Variants in ULK4 observed in about 807,000 individuals in gnomAD.
ULK4 encodes the protein inactive serine/threonine-protein kinase ULK4.
ULK4 carries 133 observed loss-of-function variants against 160.6 expected under a neutral mutation model. That is an observed-to-expected ratio of 0.83 (90% CI 0.72 to 0.96). The LOEUF is 0.96. ULK4 is among the 40% of genes least tolerant of loss of function. The pLI, the probability that ULK4 is intolerant of heterozygous loss-of-function variation, is 0.00. For synonymous variants in ULK4, 534 were observed against 539.8 expected (o/e 0.99, Z 0.15); for missense variants, 1,580 against 1,499.5 (o/e 1.05, Z -0.89).
chr3:41,256,470 G>A (rs1422455856), intron 35 of ULK4, among the ~76,000 whole-genome samples: 1 of 152,196 alleles, frequency 6.6e-6, no homozygotes, highest in Non-Finnish European at 1.5e-5. Context: ...CAGAGGTGCA[G>A]TTAATTCAAG....
At chr3:41,801,570 C>A (rs1236892527) in intron 19 of ULK4, among the ~76,000 whole-genome samples, 1 of 151,096 alleles carries the variant, frequency 6.6e-6, no homozygotes, top group African/African-American at 2.4e-5. Context: ...ACCTTATGGA[C>A]AAGGAGCAAT....
intron 32 of ULK4, among the ~76,000 whole-genome samples, chr3:41,513,809 C>T (rs1460841930): frequency 6.6e-6 from 1 of 152,060 alleles, no homozygotes; most frequent in African/African-American, 2.4e-5. Flanking sequence ...TTTGGAGACT[C>T]GGGAGAACAG....
At chr3:41,759,759 A>T (rs1429633720) in intron 21 of ULK4, among the ~76,000 whole-genome samples, 1 of 152,208 alleles carries the variant, frequency 6.6e-6, no homozygotes, top group Non-Finnish European at 1.5e-5. Context: ...TAGTATGGAC[A>T]AAATGATAGA....
intron 27 of ULK4, among the ~76,000 whole-genome samples, chr3:41,696,188 G>A (rs988029099): frequency 5.9e-5 from 9 of 152,154 alleles, no homozygotes; most frequent in Non-Finnish European, 1.2e-4. Context: ...AGGCCCACCC[G>A]CAGTTATCCA....
intron 35 of ULK4, among the ~76,000 whole-genome samples, chr3:41,291,827 T>G (rs951134828): frequency 7.2e-6 from 1 of 139,708 alleles, no homozygotes; most frequent in Non-Finnish European, 1.5e-5. Context: ...ACTTGTGATG[T>G]TCTTTTTTTT....
intron 30 of ULK4, among the ~76,000 whole-genome samples, chr3:41,625,597 T>C (rs1329257148): frequency 2.0e-5 from 3 of 152,210 alleles, no homozygotes; most frequent in Non-Finnish European, 4.4e-5. Flanking sequence ...TGCTGATTTC[T>C]AGAGAATTAT....
At position 41,485,485 on chromosome 3, in the gene ULK4, T is replaced by A. The variant is rs188226477; in HGVS notation, c.3227-22232A>T. On this transcript the variant is annotated intron_variant, in intron 32 of 36. Coordinates refer to ENST00000301831, the MANE Select transcript of ULK4 (RefSeq NM_017886.4). ...GTTATGGCAGCAAGAAATTCTACCT[T>A]GAAAATAAATCTGCTTTGCTAAAAT... Among the ~76,000 whole-genome samples the A allele has an allele frequency of 1.6e-3, 239 of 152,330 alleles. 1 individual carries two copies. Among genetic ancestry groups the A allele is most frequent in the African/African-American group, 5.7e-3 (235 of 41,578 alleles).
At chr3:41,662,011 T>C (rs1490674054) in intron 30 of ULK4, among the ~76,000 whole-genome samples, 4 of 152,146 alleles carry the variant, frequency 2.6e-5, no homozygotes, top group African/African-American at 4.8e-5. Context: ...AAAAAAGTAA[T>C]TGCAATCTGT....
At chr3:41,517,618 T>C (rs28566653) in intron 32 of ULK4, among the ~76,000 whole-genome samples, 47,452 of 152,130 alleles carry the variant, frequency 0.31, 7,605 homozygotes, top group Non-Finnish European at 0.33. Flanking sequence ...AGGAACAGTC[T>C]CTAGAAAAAT....
At chr3:41,745,096 T>A (rs1193858068) in intron 22 of ULK4, among the ~76,000 whole-genome samples, 1 of 151,542 alleles carries the variant, frequency 6.6e-6, no homozygotes, top group East Asian at 1.9e-4. Flanking sequence ...TAATGCTACA[T>A]GAGACCTTTT....
intron 27 of ULK4, among the ~76,000 whole-genome samples, chr3:41,698,385 C>G (rs1260331480): frequency 6.6e-6 from 1 of 152,094 alleles, no homozygotes; most frequent in Non-Finnish European, 1.5e-5. Context: ...CCTCAGCCTC[C>G]CAAGTAGCTG....
At chr3:41,576,840 C>T (rs1175668006) in intron 31 of ULK4, among the ~76,000 whole-genome samples, 2 of 152,114 alleles carry the variant, frequency 1.3e-5, no homozygotes, top group Non-Finnish European at 2.9e-5. Context: ...AACATATACT[C>T]CTAAAATTCT....
At chr3:41,265,043 G>T (rs1320985656) in intron 35 of ULK4, among the ~76,000 whole-genome samples, 2 of 152,188 alleles carry the variant, frequency 1.3e-5, no homozygotes, top group African/African-American at 2.4e-5. Context: ...CATCAAGTTG[G>T]GATTTATAAG....
intron 35 of ULK4, among the ~76,000 whole-genome samples, chr3:41,313,816 G>A (rs190455176): frequency 6.6e-6 from 1 of 152,178 alleles, no homozygotes; most frequent in East Asian, 1.9e-4. Flanking sequence ...AATACAGACC[G>A]GGCTTAGGGA....
At chr3:41,841,432 G>A (rs972775044) in intron 17 of ULK4, among the ~76,000 whole-genome samples, 1 of 149,698 alleles carries the variant, frequency 6.7e-6, no homozygotes, top group Non-Finnish European at 1.5e-5. Flanking sequence ...CGCCCCGTCT[G>A]GGAAGTGGGC....
intron 25 of ULK4, among the ~76,000 whole-genome samples, chr3:41,705,627 T>C (rs915549539): frequency 6.6e-6 from 1 of 151,962 alleles, no homozygotes; most frequent in African/African-American, 2.4e-5. Flanking sequence ...CTCCTGAGTA[T>C]CTGGGATTAC....
At chr3:41,248,748 T>C (rs1331539002) in intron 36 of ULK4, among the ~76,000 whole-genome samples, 3 of 152,298 alleles carry the variant, frequency 2.0e-5, no homozygotes, top group African/African-American at 7.2e-5. Context: ...GGCGGGTCCT[T>C]CTCCCCAGGG....
intron 13 of ULK4, among the ~76,000 whole-genome samples, 200 bp downstream of exon 13, chr3:41,900,525 G>A (rs761888443): frequency 6.6e-6 from 1 of 152,178 alleles, no homozygotes; most frequent in Non-Finnish European, 1.5e-5. Context: ...TAGAACTCCA[G>A]TGAAGTGGAA....
At chr3:41,565,533 G>A (rs545816029) in intron 32 of ULK4, among the ~76,000 whole-genome samples, 1 of 152,214 alleles carries the variant, frequency 6.6e-6, no homozygotes, top group East Asian at 1.9e-4. Flanking sequence ...CATAAGAGGA[G>A]GAAAAGAAAC....
Sources: allele counts gnomAD v4.1 joint callset (sites outside exome capture counted in the v4.1 genomes callset), GRCh38; gene constraint gnomAD v4.1.1; transcripts MANE v1.5; gene names NCBI Gene and HGNC (gene_info 2026-07-23, HGNC 2026-07-21).